Variants in JAKMIP1 observed in about 807,000 individuals in gnomAD.
JAKMIP1 encodes janus kinase and microtubule interacting protein 1.
JAKMIP1 carries 33 observed loss-of-function variants against 113.0 expected under a neutral mutation model. The observed-to-expected ratio is 0.29, with a 90% CI of 0.22 to 0.39. The LOEUF is 0.39. Among genes scored for constraint, JAKMIP1 ranks in the 10% least tolerant of loss-of-function variants. The probability of loss-of-function intolerance (pLI) is 1.00; values close to 1 mark genes in which losing one functional copy is unlikely to be tolerated. For missense variants in JAKMIP1, 813 were observed against 1,080.5 expected (o/e 0.75, Z 3.47); for synonymous variants, 480 against 459.9 (o/e 1.04, Z -0.56).
chr4:6,027,107 GA>G (rs1711954482), intron 20 of JAKMIP1, among the ~76,000 whole-genome samples: 1 of 151,960 alleles, frequency 6.6e-6, no homozygotes, highest in African/African-American at 2.4e-5. Flanking sequence ...GTCTTAACGG[GA>G]GGAAAAATTA....
In JAKMIP1 at chr4:6,136,358, T is replaced by C. The variant is rs948417634; in HGVS notation, c.-147-23361A>G. Among the ~76,000 whole-genome samples the C allele has an allele frequency of 2.6e-5, 4 of 152,198 alleles. No individual in the cohort carries two copies. Among genetic ancestry groups the C allele is most frequent in the African/African-American group, 9.6e-5 (4 of 41,520 alleles). On this transcript the variant is annotated intron_variant, in intron 1 of 20. Transcript: ENST00000409021. The surrounding 1 kb of genome is among the most constrained non-coding windows in gnomAD (Gnocchi z 5.9). The stretch of plus-strand genomic sequence containing the variant: ...CCAAAAGACCATGGGAATATTTAAG[T>C]ACTTCTGACAAATCAGTACCCTAGT...
Position 6,178,363 on chromosome 4 carries a change from G to A in JAKMIP1, c.-148+21890C>T, listed in dbSNP as rs867825619. 1.3e-5 allele frequency among the ~76,000 whole-genome samples: 2 copies of A among 152,158 alleles called. No homozygotes were observed. The highest frequency in any genetic ancestry group is 2.9e-5 in the Non-Finnish European group (2 of 68,036). Reference sequence around the variant, plus strand: ...CCATGTGTGGTGGGAGGGACCTCTCGGGAGGTAATTGAATCATGGGGGCAG... The same window carrying A: ...CCATGTGTGGTGGGAGGGACCTCTCAGGAGGTAATTGAATCATGGGGGCAG... On this transcript the variant is annotated intron_variant, in intron 1 of 20. Transcript: ENST00000409021. The surrounding 1 kb of genome is among the most constrained non-coding windows in gnomAD (Gnocchi z 5.5).
Position 6,086,959 on chromosome 4 carries a change from G to C in JAKMIP1, c.625-1330C>G, listed in dbSNP as rs1240094905. Among the ~76,000 whole-genome samples, 1 of 152,158 alleles carries C rather than the reference G, an allele frequency of 6.6e-6. No individual in the cohort carries two copies. The highest frequency in any genetic ancestry group is 2.4e-5 in the African/African-American group (1 of 41,444). On this transcript the variant is annotated intron_variant, in intron 3 of 20. Coordinates refer to ENST00000409021, the MANE Select transcript of JAKMIP1 (RefSeq NM_001099433.2). This position sits in a 1 kb window ranked among gnomAD's most constrained non-coding sequence, Gnocchi z 4.1. ...TCCTCTTCCACAGCCTTAGGGGGAA[G>C]TGTGGGCATGCAGACACCTTGATTT...
At position 6,064,821 on chromosome 4, in the gene JAKMIP1, G is replaced by A; in HGVS notation, c.1431+59C>T. ...CGAAACTTGCAACTATCAAAAGCAG[G>A]AGGTGCCGCCCCGAGAGCATCTGGG... On this transcript the variant is annotated intron_variant, in intron 9 of 20. Transcript: ENST00000409021. The surrounding 1 kb of genome is among the most constrained non-coding windows in gnomAD (Gnocchi z 4.3). 1 of 1,608,102 alleles carries A rather than the reference G, an allele frequency of 6.2e-7. No individual in the cohort carries two copies. The highest frequency in any genetic ancestry group is 8.5e-7 in the Non-Finnish European group (1 of 1,176,708).
At chr4:6,056,813 GTAACA>G in intron 11 of JAKMIP1, 54 bp from the exon 12 acceptor site, 1 of 1,236,866 alleles carries the variant, frequency 8.1e-7, no homozygotes, top group Admixed American at 1.7e-5. Flanking sequence ...AGATGGTCAA[GTAACA>G]AACTTTTAGT....
At chr4:6,043,057 G>A (rs909872870) in intron 16 of JAKMIP1, among the ~76,000 whole-genome samples, 1 of 152,018 alleles carries the variant, frequency 6.6e-6, no homozygotes, top group Non-Finnish European at 1.5e-5. Flanking sequence ...GCCAGCACAG[G>A]GTGGCTGCCC....
rs182081582 is a variant in JAKMIP1, at chr4:6,158,731, C to T, written c.-148+41522G>A. On this transcript the variant is annotated intron_variant, in intron 1 of 20. Coordinates refer to ENST00000409021, the MANE Select transcript of JAKMIP1 (RefSeq NM_001099433.2). This position sits in a 1 kb window ranked among gnomAD's most constrained non-coding sequence, Gnocchi z 5.3. ...TTTATTGGATAAAAATAGGGCAATTCGATTGATCAATGAGGCAGAAGAGAA... is the reference window on the plus strand; with the variant it reads ...TTTATTGGATAAAAATAGGGCAATTTGATTGATCAATGAGGCAGAAGAGAA... Among the ~76,000 whole-genome samples the T allele has an allele frequency of 2.5e-4, 38 of 151,848 alleles. No individual in the cohort carries two copies. Among genetic ancestry groups the T allele is most frequent in the Admixed American group, 1.9e-3 (29 of 15,246 alleles).
intron 9 of JAKMIP1, among the ~76,000 whole-genome samples, chr4:6,063,829 C>A (rs1235516581): frequency 6.6e-6 from 1 of 152,226 alleles, no homozygotes; most frequent in Admixed American, 6.5e-5. Flanking sequence ...GCGGACCATT[C>A]AGAGACTCGG....
intron 1 of JAKMIP1, among the ~76,000 whole-genome samples, chr4:6,123,160 T>A (rs1376922879): frequency 6.6e-6 from 1 of 152,234 alleles, no homozygotes; most frequent in East Asian, 1.9e-4. Flanking sequence ...AATGCACACC[T>A]ATCTTGAGGT....
chr4:6,105,094 G>A (rs7680061), intron 3 of JAKMIP1, among the ~76,000 whole-genome samples: 2 of 152,034 alleles, frequency 1.3e-5, no homozygotes, highest in South Asian at 2.1e-4. Context: ...CAATTTATAT[G>A]TTTCCCTTGC....
intron 1 of JAKMIP1, among the ~76,000 whole-genome samples, chr4:6,122,978 C>T (rs1423868977): frequency 6.6e-6 from 1 of 152,096 alleles, no homozygotes; most frequent in Non-Finnish European, 1.5e-5. Context: ...GGGACCAGAC[C>T]GTAATAAGGA....
rs1722525584 is a variant in JAKMIP1 at position 6,158,525 on chromosome 4, G to A, written c.-148+41728C>T. 6.6e-6 allele frequency among the ~76,000 whole-genome samples: 1 copy of A among 152,134 alleles called. No individual in the cohort carries two copies. Among genetic ancestry groups the A allele is most frequent in the Non-Finnish European group, 1.5e-5 (1 of 68,018 alleles). Reference sequence around the variant, plus strand: ...GCTGGGGCTTGGGTTTGAAGTCACAGGTGGAACATGATTCACTGGAAAGAA... The same window carrying A: ...GCTGGGGCTTGGGTTTGAAGTCACAAGTGGAACATGATTCACTGGAAAGAA... On this transcript the variant is annotated intron_variant, in intron 1 of 20. Transcript: ENST00000409021. The surrounding 1 kb of genome is among the most constrained non-coding windows in gnomAD (Gnocchi z 5.3).
intron 8 of JAKMIP1, among the ~76,000 whole-genome samples, chr4:6,066,221 C>CAG (rs138937047): frequency 0.033 from 4,979 of 152,102 alleles, 92 homozygotes; most frequent in South Asian, 0.084. Context: ...GTGTTTTACC[C>CAG]AGATATCTGT....
rs751046894 is a variant in JAKMIP1, at chr4:6,078,979, C to A, written c.1262G>T (p.Arg421Leu). ...ACTTTTCCCTCGATGCCTTTTGGAG[C>A]GCAACAGCCGTTCTCTCTCCTAGAA... ...DLSLERERLL[R>L]SKRHRGKSLK... is the part of the protein sequence containing the mutation. The change falls in exon 8 of 21, where the codon CGC becomes CTC. Residue 421 changes from arginine to leucine, a missense_variant. Transcript: ENST00000409021. The A allele has an allele frequency of 6.2e-7, 1 of 1,614,132 alleles. No homozygotes were observed. The highest frequency in any genetic ancestry group is 2.2e-5 in the East Asian group (1 of 44,874).
At chr4:6,082,417 C>A (rs1316577898) in intron 5 of JAKMIP1, among the ~76,000 whole-genome samples, 1 of 151,910 alleles carries the variant, frequency 6.6e-6, no homozygotes, top group African/African-American at 2.4e-5. Flanking sequence ...CGTGTCTTTA[C>A]TGACTTGAAC....
intron 12 of JAKMIP1, among the ~76,000 whole-genome samples, chr4:6,055,028 T>G (rs1716181555): frequency 7.7e-6 from 1 of 130,234 alleles, no homozygotes. Flanking sequence ...AATGCCCTTG[T>G]CCCAAATGCC....
At chr4:6,159,419 AG>A (rs1290359465) in intron 1 of JAKMIP1, among the ~76,000 whole-genome samples, 1 of 152,268 alleles carries the variant, frequency 6.6e-6, no homozygotes, top group African/African-American at 2.4e-5. Flanking sequence ...ACAAGTTGGA[AG>A]AAAAAAATCT....
rs184740822 is a variant in JAKMIP1, at chr4:6,159,529, G to A, written c.-148+40724C>T. On this transcript the variant is annotated intron_variant, in intron 1 of 20. Transcript: ENST00000409021. The stretch of plus-strand genomic sequence containing the variant: ...AGCATGCAAGTGGAAAAAAAAAATA[G>A]TGTAAATAATGGAGAAACAATTCTC... 7.6e-4 allele frequency among the ~76,000 whole-genome samples: 115 copies of A among 152,002 alleles called. No individual in the cohort carries two copies. In the East Asian group the frequency reaches 0.02, roughly 26 times the overall value.
intron 1 of JAKMIP1, among the ~76,000 whole-genome samples, chr4:6,134,838 C>A (rs146928946): frequency 1.3e-5 from 2 of 151,156 alleles, no homozygotes; most frequent in East Asian, 1.9e-4. Flanking sequence ...CTCTCTCCCC[C>A]ACCAGAGCCT....
Sources: gnomAD v4.1 joint callset for allele counts (sites outside exome capture counted in the v4.1 genomes callset) on GRCh38, gnomAD v4.1.1 for gene constraint, Gnocchi (gnomAD v3.1) non-coding constraint, MANE v1.5 for transcripts, NCBI Gene and HGNC (gene_info 2026-07-23, HGNC 2026-07-21) for gene names.